Variants in SZT2 observed in about 807,000 individuals in gnomAD.
SZT2 encodes KICSTOR complex protein SZT2.
A neutral mutation model predicts 404.2 loss-of-function variants in SZT2; 216 were observed. That is an observed-to-expected ratio of 0.53 (90% CI 0.48 to 0.60). SZT2 has a LOEUF of 0.60. Among genes scored for constraint, SZT2 ranks in the 20% least tolerant of loss-of-function variants. The probability of loss-of-function intolerance (pLI) is 0.00; values close to 1 mark genes in which losing one functional copy is unlikely to be tolerated. For synonymous variants in SZT2, 1,693 were observed against 1,749.9 expected (o/e 0.97, Z 0.81); for missense variants, 3,857 against 4,459.2 (o/e 0.86, Z 3.85).
Position 43,451,792 on chromosome 1 carries a change from A to G in SZT2, c.*1312A>G. 1 of 1,614,004 alleles carries G rather than the reference A, an allele frequency of 6.2e-7. No individual in the cohort carries two copies. Among genetic ancestry groups the G allele is most frequent in the Non-Finnish European group, 8.5e-7 (1 of 1,179,966 alleles). ...TCCGATCTGCGAAGTACCCCCTTCC[A>G]CTTACCATTTGTAATTGGAGGTTGG... On this transcript the variant is annotated 3_prime_UTR_variant, in exon 72 of 72. Coordinates refer to ENST00000634258, the MANE Select transcript of SZT2 (RefSeq NM_001365999.1).
At chr1:43,421,625 G>A (rs751106467) in intron 11 of SZT2, among the ~76,000 whole-genome samples, 18 of 152,216 alleles carry the variant, frequency 1.2e-4, no homozygotes, top group African/African-American at 3.9e-4. Flanking sequence ...TTCCCCAGCC[G>A]CCTTCACCTG....
chr1:43,422,401 A>C, intron 12 of SZT2, 79 bp from the exon 13 acceptor site: 1 of 1,507,542 alleles, frequency 6.6e-7, no homozygotes. Flanking sequence ...AAGGCCTAGA[A>C]GAGAGTGATA....
In SZT2 at chr1:43,441,080, A is replaced by T; in HGVS notation, c.7345-134A>T. 1 of 1,139,672 alleles carries T rather than the reference A, an allele frequency of 8.8e-7. No individual in the cohort carries two copies. The highest frequency in any genetic ancestry group is 1.3e-6 in the Non-Finnish European group (1 of 798,794). The allele number at this position is 1,139,672 out of a possible 1,614,324, so 70.6% of individuals were successfully genotyped here. On this transcript the variant is annotated intron_variant, in intron 52 of 71. Transcript: ENST00000634258. This position sits in a 1 kb window ranked among gnomAD's most constrained non-coding sequence, Gnocchi z 4.8. ...TTAGGTAACCTGCCCAAGGCTCCTT[A>T]GCCAGCCCCTGGGGAAGCCAGGGTC...
chr1:43,443,017 C>T lies in SZT2; in HGVS notation c.8350C>T (p.Pro2784Ser), dbSNP rs1655243899. The T allele has an allele frequency of 1.2e-6, 2 of 1,613,932 alleles. No homozygotes were observed. The highest frequency in any genetic ancestry group is 1.3e-5 in the African/African-American group (1 of 74,904). Residue 2784 changes from proline (P) to serine (S), a missense_variant, in exon 59 of 72, where the codon CCC becomes TCC. Pro to Ser is a moderately conservative substitution (Grantham distance 74). Around this residue, in one of 7 missense-constraint regions of SZT2, gnomAD observed 717 missense variants for 868.2 expected, o/e 0.83. Transcript: ENST00000634258. ...ARPSSVLGPV[P>S]RPPDPVTYHG... ...CCCCAGCTCCGTACTTGGTCCTGTG[C>T]CCAGACCTCCTGATCCTGTCACCTA...
chr1:43,416,459 C>T (rs1447342090), intron 6 of SZT2, 76 bp from the exon 7 acceptor site: 3 of 1,233,358 alleles, frequency 2.4e-6, no homozygotes, highest in African/African-American at 3.0e-5. Flanking sequence ...CGTTCAGGAC[C>T]CTGTCAGTTG....
At chr1:43,395,336 C>T (rs1038864274) in intron 1 of SZT2, among the ~76,000 whole-genome samples, 1 of 152,094 alleles carries the variant, frequency 6.6e-6, no homozygotes, top group African/African-American at 2.4e-5. Flanking sequence ...CTTGCTCTGT[C>T]ATCCAGGCTG....
rs534957846 is a variant in SZT2 at position 43,435,505 on chromosome 1, C to T, written c.6034+176C>T. 1.7e-3 allele frequency among the ~76,000 whole-genome samples: 264 copies of T among 152,138 alleles called. 1 individual carries two copies. Among genetic ancestry groups the T allele is most frequent in the Non-Finnish European group, 3.4e-3 (233 of 68,046 alleles). On this transcript the variant is annotated intron_variant, in intron 42 of 71. Transcript: ENST00000634258. The stretch of plus-strand genomic sequence containing the variant: ...GGATCACTGGCCTTGGCTGCTGCTG[C>T]GAGTTCATCAGTGATTTTCATGGAA...
rs1653137059 is a variant in SZT2 at position 43,426,304 on chromosome 1, G to C, written c.3044-64G>C. 6.6e-6 allele frequency: 10 copies of C among 1,505,442 alleles called. No homozygotes were observed. The highest frequency in any genetic ancestry group is 8.9e-6 in the Non-Finnish European group (10 of 1,126,492). 93.3% of individuals were successfully genotyped at this position (1,505,442 alleles called of 1,614,324 possible). On this transcript the variant is annotated intron_variant, in intron 21 of 71. Transcript: ENST00000634258. This position sits in a 1 kb window ranked among gnomAD's most constrained non-coding sequence, Gnocchi z 4.9. ...GCTGAAGGAGGGGCCAGCTGGTCAGGGCTGAGCCGGGGGCACCGGGCAGCA... is the reference window on the plus strand; with the variant it reads ...GCTGAAGGAGGGGCCAGCTGGTCAGCGCTGAGCCGGGGGCACCGGGCAGCA...
intron 4 of SZT2, among the ~76,000 whole-genome samples, chr1:43,413,123 T>C (rs1028974210): frequency 6.6e-6 from 1 of 152,194 alleles, no homozygotes; most frequent in Admixed American, 6.5e-5. Flanking sequence ...CAAAATAGGC[T>C]GGGCACGGTG....
Position 43,430,935 on chromosome 1 carries a change from TC to T in SZT2, c.4775-9del, listed in dbSNP as rs1296270734. ...TAGAGCCCTCAGCAACTGCTAACTT[TC>T]CCCCTCTCCCAGGCCAGGTGCTTTC... On this transcript the variant is annotated splice_polypyrimidine_tract_variant and intron_variant, in intron 32 of 71. Coordinates refer to ENST00000634258, the MANE Select transcript of SZT2 (RefSeq NM_001365999.1). 1 of 1,606,656 alleles carries T rather than the reference TC, an allele frequency of 6.2e-7. No homozygotes were observed.
chr1:43,431,831 C>G lies in SZT2; in HGVS notation c.5204C>G (p.Thr1735Ser). ...AHIHSSPGRS[T>S]CLRQTLPLSF... The stretch of plus-strand genomic sequence containing the variant: ...ATCCATAGTTCTCCTGGACGCTCCA[C>G]CTGCCTTCGCCAAACTCTGCCACTG... Residue 1735 changes from threonine (T) to serine (S), a missense_variant, in exon 36 of 72, where the codon ACC becomes AGC. Physicochemically the swap from Thr to Ser is moderately conservative, Grantham distance 58. Coordinates refer to ENST00000634258, the MANE Select transcript of SZT2 (RefSeq NM_001365999.1). The G allele has an allele frequency of 6.2e-7, 1 of 1,614,230 alleles. No individual in the cohort carries two copies. Among genetic ancestry groups the G allele is most frequent in the Non-Finnish European group, 8.5e-7 (1 of 1,180,038 alleles).
chr1:43,394,933 C>G (rs1379855563), intron 1 of SZT2, among the ~76,000 whole-genome samples: 2 of 151,586 alleles, frequency 1.3e-5, no homozygotes, highest in Non-Finnish European at 2.9e-5. Context: ...TTTGAAGGAT[C>G]ATATGTAAAG....
rs758011949 is a variant in SZT2, at chr1:43,422,592, G to A, written c.1882G>A (p.Val628Ile). 7 of 1,597,874 alleles carry A rather than the reference G, an allele frequency of 4.4e-6. No individual in the cohort carries two copies. The highest frequency in any genetic ancestry group is 2.2e-5 in the South Asian group (2 of 91,036). ...TCTGCTGCGGGACTGGAGCAGCTTC[G>A]TACTAGTCGAGGGCTATTCTTATGT... ...TSLLRDWSSF[V>I]LVEGYSYVKL... The change falls in exon 13 of 72, where the codon GTA becomes ATA. Residue 628 changes from valine to isoleucine, a missense_variant. This residue lies in a region of SZT2 where 1,725 missense variants were observed against 1,881.0 expected (regional missense o/e 0.92). Transcript: ENST00000634258.
chr1:43,453,651 A>C lies in SZT2; in HGVS notation c.*3171A>C. The C allele has an allele frequency of 6.7e-7, 1 of 1,490,542 alleles. No individual in the cohort carries two copies. The highest frequency in any genetic ancestry group is 8.9e-7 in the Non-Finnish European group (1 of 1,127,546). The allele number at this position is 1,490,542 out of a possible 1,614,324, so 92.3% of individuals were successfully genotyped here. A position where few individuals can be genotyped will look rare whatever the true frequency, so the allele number is the denominator to read the frequency against. Reference sequence around the variant, plus strand: ...CCCCGCTTCTCGCGCGGCGCGCGCCAGCGCCTCAGGCGTCTCCGCGTACGG... The same window carrying C: ...CCCCGCTTCTCGCGCGGCGCGCGCCCGCGCCTCAGGCGTCTCCGCGTACGG... On this transcript the variant is annotated 3_prime_UTR_variant, in exon 72 of 72. Coordinates refer to ENST00000634258, the MANE Select transcript of SZT2 (RefSeq NM_001365999.1).
rs140591186 is a variant in SZT2, at chr1:43,452,275, A to G, written c.*1795A>G. ...GGCCTCCATCTCAGCCTTGACTGCT[A>G]TTCGATCAGCTCCCTGGGGTACTCG... On this transcript the variant is annotated 3_prime_UTR_variant, in exon 72 of 72. Coordinates refer to ENST00000634258, the MANE Select transcript of SZT2 (RefSeq NM_001365999.1). The G allele has an allele frequency of 3.7e-6, 6 of 1,613,974 alleles. No individual in the cohort carries two copies. The highest frequency in any genetic ancestry group is 2.7e-5 in the African/African-American group (2 of 74,922).
intron 2 of SZT2, 50 bp downstream of exon 2, chr1:43,403,352 G>GT (rs925686249): frequency 6.3e-7 from 1 of 1,583,384 alleles, no homozygotes; most frequent in Non-Finnish European, 8.6e-7. Context: ...AGAAGGATCT[G>GT]TTTTTTAGGA....
intron 1 of SZT2, among the ~76,000 whole-genome samples, chr1:43,400,694 A>G (rs1488053051): frequency 1.3e-5 from 2 of 152,158 alleles, no homozygotes; most frequent in African/African-American, 4.8e-5. Flanking sequence ...CAACATGATG[A>G]AACCCAGTCT....
At chr1:43,422,330 C>A in intron 12 of SZT2, 105 bp downstream of exon 12, 1 of 1,492,668 alleles carries the variant, frequency 6.7e-7, no homozygotes, top group Non-Finnish European at 8.9e-7. Context: ...CCAACTGTGG[C>A]CAAGGAAAAA....
intron 15 of SZT2, among the ~76,000 whole-genome samples, chr1:43,423,810 A>G (rs1352370802): frequency 6.0e-4 from 60 of 99,406 alleles, no homozygotes; most frequent in East Asian, 1.9e-3. Flanking sequence ...GGTATGAGTG[A>G]TACAGAGGTA....
Sources: allele counts gnomAD v4.1 joint callset (sites outside exome capture counted in the v4.1 genomes callset), GRCh38; gene constraint gnomAD v4.1.1; regional missense constraint gnomAD v4.1.1; non-coding constraint Gnocchi (gnomAD v3.1); transcripts MANE v1.5; gene names NCBI Gene and HGNC (gene_info 2026-07-23, HGNC 2026-07-21).